SGCZ: variants seen among roughly 807,000 people sequenced by gnomAD.
The protein encoded by SGCZ is sarcoglycan zeta.
Under a neutral mutation model 41.3 loss-of-function variants are expected in SGCZ, and 40 were observed. That is an observed-to-expected ratio of 0.97 (90% CI 0.75 to 1.26). The LOEUF (loss-of-function observed/expected upper bound fraction) is 1.26, where lower values mean the gene tolerates loss of function less well. Ranked by LOEUF, SGCZ falls within the 50% of genes most tolerant of loss-of-function variation. The pLI, the probability that SGCZ is intolerant of heterozygous loss-of-function variation, is 0.00. For missense variants in SGCZ, 552 were observed against 369.8 expected (o/e 1.49, Z -4.04); for synonymous variants, 206 against 137.5 (o/e 1.50, Z -3.49).
At chr8:14,384,380 A>G (rs1292063697) in intron 2 of SGCZ, among the ~76,000 whole-genome samples, 1 of 152,124 alleles carries the variant, frequency 6.6e-6, no homozygotes, top group African/African-American at 2.4e-5. Context: ...ATGTCGACCA[A>G]CGATAGACTG....
intron 1 of SGCZ, among the ~76,000 whole-genome samples, chr8:14,840,490 C>A (rs901899702): frequency 6.6e-6 from 1 of 152,028 alleles, no homozygotes; most frequent in Non-Finnish European, 1.5e-5. Flanking sequence ...ATTCACAGTA[C>A]TTCATCAAAT....
chr8:14,851,067 GC>G (rs1268116728), intron 1 of SGCZ, among the ~76,000 whole-genome samples: 2 of 152,088 alleles, frequency 1.3e-5, no homozygotes, highest in African/African-American at 4.8e-5. Context: ...GTGGAAGAAA[GC>G]TTTTAAAGAA....
chr8:14,452,006 T>C (rs1174183274), intron 2 of SGCZ, among the ~76,000 whole-genome samples: 2 of 152,248 alleles, frequency 1.3e-5, no homozygotes, highest in East Asian at 1.9e-4. Flanking sequence ...TGAAAACTTA[T>C]GCCTACATAA....
intron 1 of SGCZ, among the ~76,000 whole-genome samples, chr8:15,237,165 G>T (rs893426918): frequency 2.6e-4 from 39 of 152,330 alleles, no homozygotes; most frequent in Non-Finnish European, 5.3e-4. Flanking sequence ...AGGCGGGATC[G>T]GAGCCGGGAA....
At chr8:14,184,169 TC>T (rs1445886656) in intron 4 of SGCZ, among the ~76,000 whole-genome samples, 1 of 151,958 alleles carries the variant, frequency 6.6e-6, no homozygotes, top group African/African-American at 2.4e-5. Flanking sequence ...TTTAACAAAT[TC>T]CAGTATATTT....
At chr8:15,133,610 C>A (rs1267552127) in intron 1 of SGCZ, among the ~76,000 whole-genome samples, 1 of 152,154 alleles carries the variant, frequency 6.6e-6, no homozygotes, top group Non-Finnish European at 1.5e-5. Flanking sequence ...TAGGAGAAAA[C>A]AAAATCTGCC....
At chr8:14,986,086 T>C (rs1801816955) in intron 1 of SGCZ, among the ~76,000 whole-genome samples, 1 of 152,084 alleles carries the variant, frequency 6.6e-6, no homozygotes, top group African/African-American at 2.4e-5. Flanking sequence ...ATGAACAATA[T>C]ATACATGTAT....
At chr8:14,556,339 A>C (rs1202774102) in intron 1 of SGCZ, among the ~76,000 whole-genome samples, 1 of 151,666 alleles carries the variant, frequency 6.6e-6, no homozygotes, top group Non-Finnish European at 1.5e-5. Context: ...AATAATATTA[A>C]TAAGTAATTA....
chr8:14,427,890 TA>T (rs1563322577), intron 2 of SGCZ, among the ~76,000 whole-genome samples: 2 of 152,082 alleles, frequency 1.3e-5, no homozygotes. Context: ...AATAATGCAT[TA>T]AAAAACAGTA....
At chr8:14,353,928 C>T (rs1803194682) in intron 2 of SGCZ, among the ~76,000 whole-genome samples, 1 of 152,018 alleles carries the variant, frequency 6.6e-6, no homozygotes, top group South Asian at 2.1e-4. Flanking sequence ...CTTCTCTGGA[C>T]TTACAGAAAT....
chr8:14,762,183 G>A (rs1192299665), intron 1 of SGCZ, among the ~76,000 whole-genome samples: 5 of 152,054 alleles, frequency 3.3e-5, no homozygotes, highest in Non-Finnish European at 5.9e-5. Flanking sequence ...TTTCTTTTGA[G>A]TATTGAAAAA....
intron 2 of SGCZ, among the ~76,000 whole-genome samples, chr8:14,526,412 G>A (rs1226562507): frequency 6.6e-6 from 1 of 151,992 alleles, no homozygotes; most frequent in Non-Finnish European, 1.5e-5. Flanking sequence ...AAATGATTAG[G>A]CTACTGTTGT....
intron 1 of SGCZ, among the ~76,000 whole-genome samples, chr8:14,909,997 T>A (rs1294182269): frequency 6.6e-6 from 1 of 152,130 alleles, no homozygotes; most frequent in Non-Finnish European, 1.5e-5. Context: ...TCTCCATTTT[T>A]AATGCATTGG....
intron 1 of SGCZ, among the ~76,000 whole-genome samples, chr8:14,937,545 A>T (rs1242831900): frequency 6.6e-6 from 1 of 152,082 alleles, no homozygotes; most frequent in Non-Finnish European, 1.5e-5. Flanking sequence ...ATATCAGCCA[A>T]GGAAGAAAAA....
At chr8:14,238,454 T>C (rs533187906) in intron 3 of SGCZ, among the ~76,000 whole-genome samples, 23 of 152,338 alleles carry the variant, frequency 1.5e-4, no homozygotes, top group Admixed American at 4.6e-4. Context: ...AGGAAGTATA[T>C]ACAATATCTG....
chr8:15,030,142 G>A (rs1027075112), intron 1 of SGCZ, among the ~76,000 whole-genome samples: 4 of 152,066 alleles, frequency 2.6e-5, no homozygotes, highest in Admixed American at 6.5e-5. Flanking sequence ...GTACAAGATG[G>A]GAAAGCAGCA....
intron 2 of SGCZ, among the ~76,000 whole-genome samples, chr8:14,377,749 A>T (rs1804187410): frequency 1.3e-5 from 2 of 150,092 alleles, no homozygotes; most frequent in African/African-American, 4.9e-5. Flanking sequence ...CTCATTGTTC[A>T]ATTCCCACCT....
intron 1 of SGCZ, among the ~76,000 whole-genome samples, chr8:14,710,210 C>A (rs867153487): frequency 1.1e-4 from 16 of 147,174 alleles, no homozygotes; most frequent in South Asian, 2.1e-4. Flanking sequence ...CTAAAAAAAA[C>A]AAAAAAAAAA....
chr8:14,466,591 G>A (rs904419623), intron 2 of SGCZ, among the ~76,000 whole-genome samples: 2 of 151,678 alleles, frequency 1.3e-5, no homozygotes, highest in Non-Finnish European at 2.9e-5. Flanking sequence ...TGCACATATT[G>A]CTCTGCTTGA....
Sources: gnomAD v4.1 joint callset for allele counts (sites outside exome capture counted in the v4.1 genomes callset) on GRCh38, gnomAD v4.1.1 for gene constraint, MANE v1.5 for transcripts, NCBI Gene and HGNC (gene_info 2026-07-23, HGNC 2026-07-21) for gene names.